CCDC73: variants seen among roughly 807,000 people sequenced by gnomAD.
CCDC73 encodes coiled-coil domain containing 73, also known as coiled-coil domain-containing protein 73.
A neutral mutation model predicts 116.5 loss-of-function variants in CCDC73; 95 were observed. The observed-to-expected ratio is 0.82, with a 90% confidence interval of 0.69 to 0.97. CCDC73 has a LOEUF of 0.97. Among genes scored for constraint, CCDC73 ranks in the 50% least tolerant of loss-of-function variants. CCDC73 has a pLI of 0.00. For synonymous variants in CCDC73, 398 were observed against 401.3 expected (o/e 0.99, Z 0.10); for missense variants, 1,066 against 1,206.8 (o/e 0.88, Z 1.73).
At chr11:32,711,953 C>G (rs1239374323) in intron 3 of CCDC73, among the ~76,000 whole-genome samples, 2 of 152,096 alleles carry the variant, frequency 1.3e-5, no homozygotes, top group Admixed American at 1.3e-4. Context: ...AGCTCCTTAT[C>G]AAGGGCAGTA....
At chr11:32,760,043 A>G (rs1445682640) in intron 2 of CCDC73, 66 bp downstream of exon 2, 1 of 1,361,582 alleles carries the variant, frequency 7.3e-7, no homozygotes, top group African/African-American at 1.5e-5. Flanking sequence ...TTATTCTTTA[A>G]AAAACAATAA....
In CCDC73 at chr11:32,747,324, C is replaced by T. The variant is rs143798503; in HGVS notation, c.135+12785G>A. 1.9e-3 allele frequency among the ~76,000 whole-genome samples: 287 copies of T among 152,216 alleles called. 1 individual carries two copies. The highest frequency in any genetic ancestry group is 6.5e-3 in the African/African-American group (272 of 41,532). On this transcript the variant is annotated intron_variant, in intron 2 of 17. Transcript: ENST00000335185. ...AAGCTTCGTCCCAGAGGGAGGGGCA[C>T]CTGCCTATATGAGGTGTCTGTTGGT... is the stretch of plus-strand genomic sequence containing the variant.
chr11:32,801,671 A>G, the CCDC73 span, among the ~76,000 whole-genome samples: 1 of 151,928 alleles, frequency 6.6e-6, no homozygotes, highest in East Asian at 1.9e-4. Context: ...TAACAAAATT[A>G]TAACTCTGCC....
chr11:32,728,426 C>T (rs1188956898), intron 2 of CCDC73, among the ~76,000 whole-genome samples: 1 of 151,966 alleles, frequency 6.6e-6, no homozygotes, highest in Non-Finnish European at 1.5e-5. Flanking sequence ...TTTGACATTA[C>T]GTTAAGTACT....
At chr11:32,798,830 A>G (rs1393449685), upstream of CCDC73, among the ~76,000 whole-genome samples, 3 of 151,156 alleles carry the variant, frequency 2.0e-5, no homozygotes, top group Non-Finnish European at 4.4e-5. Flanking sequence ...GTAACTTTAC[A>G]TATATGCAAA....
At chr11:32,656,583 T>A (rs183332644) in intron 9 of CCDC73, among the ~76,000 whole-genome samples, 3 of 152,296 alleles carry the variant, frequency 2.0e-5, no homozygotes, top group Admixed American at 1.3e-4. Context: ...CTTCTATGGG[T>A]GAGTGATACC....
At chr11:32,653,746 T>C (rs1855846914) in intron 11 of CCDC73, among the ~76,000 whole-genome samples, 1 of 152,144 alleles carries the variant, frequency 6.6e-6, no homozygotes, top group African/African-American at 2.4e-5. Flanking sequence ...TACACATAAA[T>C]AAACTTCAAT....
At chr11:32,724,058 G>T (rs1180740244) in intron 2 of CCDC73, among the ~76,000 whole-genome samples, 1 of 151,748 alleles carries the variant, frequency 6.6e-6, no homozygotes, top group Non-Finnish European at 1.5e-5. Context: ...GTTTTCCATG[G>T]GGTATAAAGA....
At position 32,657,612 on chromosome 11, in the gene CCDC73, T is replaced by A. The variant is rs140146815; in HGVS notation, c.646-2640A>T. Among the ~76,000 whole-genome samples, 7 of 152,174 alleles carry A rather than the reference T, an allele frequency of 4.6e-5. No homozygotes were observed. In the East Asian group the frequency reaches 1.4e-3, roughly 30 times the overall value. ...AAACTCTCTGCCTTCTGGCTCCTGA[T>A]TGGGTTAAATCTGTGGGAGGTACTA... On this transcript the variant is annotated intron_variant, in intron 9 of 17. Transcript: ENST00000335185.
chr11:32,736,290 C>T (rs562377276), intron 2 of CCDC73, among the ~76,000 whole-genome samples: 1 of 152,046 alleles, frequency 6.6e-6, no homozygotes, highest in East Asian at 1.9e-4. Flanking sequence ...CCAGAATCTA[C>T]AAAGAACTCA....
At chr11:32,760,574 G>A (rs536949777) in intron 1 of CCDC73, among the ~76,000 whole-genome samples, 1 of 152,286 alleles carries the variant, frequency 6.6e-6, no homozygotes, top group Admixed American at 6.5e-5. Flanking sequence ...CCAAAGCTGG[G>A]ATACACATTC....
intron 3 of CCDC73, among the ~76,000 whole-genome samples, chr11:32,712,540 A>G (rs979969962): frequency 6.7e-6 from 1 of 148,714 alleles, no homozygotes; most frequent in Non-Finnish European, 1.5e-5. Context: ...CATATATACA[A>G]TATTTATTTT....
chr11:32,693,204 G>A (rs1486059999), intron 6 of CCDC73, among the ~76,000 whole-genome samples: 1 of 152,138 alleles, frequency 6.6e-6, no homozygotes, highest in Non-Finnish European at 1.5e-5. Context: ...CTTATGAAAG[G>A]AAAAAGGGAG....
chr11:32,631,596 AGGAAGGAAAGGAAG>A lies in CCDC73; in HGVS notation c.1185+4086_1185+4099del, dbSNP rs1311456835. Reference sequence around the variant, plus strand: ...TCAGGAAAGGAAGGAAAGGAAGGAAAGGAAGGAAAGGAAGGGAAGGGAAGGGAAGGGACGGGAAA... The same window carrying A: ...TCAGGAAAGGAAGGAAAGGAAGGAAAGGAAGGGAAGGGAAGGGACGGGAAA... On this transcript the variant is annotated intron_variant, in intron 14 of 17. Coordinates refer to ENST00000335185, the MANE Select transcript of CCDC73 (RefSeq NM_001008391.4). 1.8e-4 allele frequency among the ~76,000 whole-genome samples: 27 copies of A among 151,238 alleles called. No homozygotes were observed. In the South Asian group the frequency reaches 3.3e-3, roughly 18 times the overall value.
the CCDC73 span, among the ~76,000 whole-genome samples, chr11:32,805,898 TAGAGCA>T: frequency 2.6e-5 from 4 of 152,210 alleles, no homozygotes; most frequent in East Asian, 7.7e-4. Context: ...TAAAGAATTT[TAGAGCA>T]AGAAGGAAAT....
At chr11:32,636,798 T>C (rs545719083) in intron 13 of CCDC73, among the ~76,000 whole-genome samples, 30 of 151,968 alleles carry the variant, frequency 2.0e-4, no homozygotes, top group African/African-American at 7.0e-4. Context: ...CTCTGCAAGG[T>C]ATTTCTTTTC....
At chr11:32,829,774 G>A in the CCDC73 span, 1 of 985,426 alleles carries the variant, frequency 1.0e-6, no homozygotes, top group South Asian at 4.7e-5. Context: ...CGGCTGGCCC[G>A]CCCGGGGATG....
At chr11:32,661,941 T>A (rs1256744566) in intron 9 of CCDC73, among the ~76,000 whole-genome samples, 2 of 150,892 alleles carry the variant, frequency 1.3e-5, no homozygotes, top group East Asian at 4.0e-4. Flanking sequence ...AGTGTTTGGT[T>A]TTTTGTCCTT....
In CCDC73 at chr11:32,614,321, T is replaced by C; in HGVS notation, c.1997A>G (p.Gln666Arg). ...DDKQCKIKQIQLLTKKSECSI... is the reference protein window; with the variant it reads ...DDKQCKIKQIRLLTKKSECSI... ...GCACTCACTTTTTTTAGTTAACAGTTGTATTTGTTTTATTTTACATTGTTT... is the reference window on the plus strand; with the variant it reads ...GCACTCACTTTTTTTAGTTAACAGTCGTATTTGTTTTATTTTACATTGTTT... The change falls in exon 16 of 18, where the codon CAA becomes CGA. Residue 666 changes from glutamine to arginine, a missense_variant. Coordinates refer to ENST00000335185, the MANE Select transcript of CCDC73 (RefSeq NM_001008391.4). 1 of 1,612,212 alleles carries C rather than the reference T, an allele frequency of 6.2e-7. No homozygotes were observed. The highest frequency in any genetic ancestry group is 8.5e-7 in the Non-Finnish European group (1 of 1,178,868).
Sources: gnomAD v4.1 joint callset for allele counts (sites outside exome capture counted in the v4.1 genomes callset) on GRCh38, gnomAD v4.1.1 for gene constraint, MANE v1.5 for transcripts, NCBI Gene and HGNC (gene_info 2026-07-23, HGNC 2026-07-21) for gene names.